The following CASK variants were observed in gnomAD, a reference collection of about 807,000 sequenced individuals.
CASK encodes the protein peripheral plasma membrane protein CASK.
Under a neutral mutation model 82.9 loss-of-function variants are expected in CASK, and 4 were observed. The observed-to-expected ratio is 0.05, with a 90% CI of 0.02 to 0.11. The LOEUF is 0.11. Among genes scored for constraint, CASK ranks in the 10% least tolerant of loss-of-function variants. The pLI, the probability that CASK is intolerant of heterozygous loss-of-function variation, is 1.00. For missense variants in CASK, 358 were observed against 720.9 expected (o/e 0.50, Z 5.76); for synonymous variants, 259 against 253.5 (o/e 1.02, Z -0.20).
intron 3 of CASK, among the ~76,000 whole-genome samples, chrX:41,780,992 G>A (rs1384387310): frequency 9.0e-6 from 1 of 110,637 alleles, no homozygotes; most frequent in Non-Finnish European, 1.9e-5. Flanking sequence ...CCACACTGGA[G>A]TACAGTGGCA....
chrX:41,661,723 G>C (rs1032001780), intron 7 of CASK, among the ~76,000 whole-genome samples: 1 of 108,761 alleles, frequency 9.2e-6, no homozygotes, highest in Non-Finnish European at 1.9e-5. Context: ...ACTTCTGCTT[G>C]TCAAATCCCA....
At chrX:41,595,669 A>G (rs1431885235) in intron 12 of CASK, among the ~76,000 whole-genome samples, 1 of 111,670 alleles carries the variant, frequency 9.0e-6, no homozygotes, top group African/African-American at 3.3e-5. Context: ...CCATTTTAAA[A>G]AGTCAAAAGC....
Position 41,546,506 on chromosome X carries a change from T to C in CASK, c.2040-3700A>G, listed in dbSNP as rs191922652. Among the ~76,000 whole-genome samples, 630 of 112,557 alleles carry C rather than the reference T, an allele frequency of 5.6e-3. 5 individuals carry two copies. Among genetic ancestry groups the C allele is most frequent in the African/African-American group, 0.019 (604 of 31,020 alleles). On this transcript the variant is annotated intron_variant, in intron 21 of 26. Coordinates refer to ENST00000378163, the MANE Select transcript of CASK (RefSeq NM_001367721.1). ...TTTTTAAGACAGAGTCTCTCTCTGT[T>C]GCCCAGGCTGTAGTGCAGTGGCACA... is the stretch of plus-strand genomic sequence containing the variant.
intron 3 of CASK, among the ~76,000 whole-genome samples, chrX:41,779,546 C>G (rs758008044): frequency 1.2e-4 from 13 of 111,748 alleles, no homozygotes; most frequent in Admixed American, 6.7e-4. Context: ...CTAAAATCAA[C>G]TAAACATTTT....
intron 1 of CASK, among the ~76,000 whole-genome samples, chrX:41,896,147 C>G (rs1187212538): frequency 9.0e-6 from 1 of 111,622 alleles, no homozygotes; most frequent in Non-Finnish European, 1.9e-5. Context: ...TTATTACTCC[C>G]AAACTCCCTC....
intron 2 of CASK, among the ~76,000 whole-genome samples, chrX:41,804,520 C>T (rs965794011): frequency 6.3e-5 from 7 of 111,225 alleles, no homozygotes; most frequent in Non-Finnish European, 1.3e-4. Context: ...AATAAGAGAG[C>T]AAAAAAACCT....
intron 1 of CASK, among the ~76,000 whole-genome samples, chrX:41,903,566 T>C (rs1195514977): frequency 8.9e-6 from 1 of 112,047 alleles, no homozygotes; most frequent in Admixed American, 9.4e-5. Flanking sequence ...GAGAATAAAA[T>C]GAAAATCATG....
intron 18 of CASK, 56 bp from the exon 19 acceptor site, chrX:41,557,156 T>C: frequency 1.1e-6 from 1 of 932,918 alleles, no homozygotes; most frequent in Non-Finnish European, 1.6e-6. Flanking sequence ...AACACAGAGA[T>C]ATTTACATCA....
intron 2 of CASK, among the ~76,000 whole-genome samples, chrX:41,805,238 G>A (rs1404813693): frequency 8.9e-6 from 1 of 111,840 alleles, no homozygotes; most frequent in Non-Finnish European, 1.9e-5. Flanking sequence ...GAGAGAAAAT[G>A]CTGACTTAGT....
chrX:41,843,304 T>C (rs920796346), intron 2 of CASK, among the ~76,000 whole-genome samples: 1 of 111,964 alleles, frequency 8.9e-6, no homozygotes, highest in Non-Finnish European at 1.9e-5. Flanking sequence ...TGGTTTTTCC[T>C]AGATGTCTTT....
intron 3 of CASK, among the ~76,000 whole-genome samples, chrX:41,786,541 C>T (rs1459698772): frequency 1.8e-5 from 2 of 110,057 alleles, no homozygotes; most frequent in Admixed American, 9.8e-5. Context: ...GGCCTGATTA[C>T]AATTTTGAAC....
intron 2 of CASK, among the ~76,000 whole-genome samples, chrX:41,798,548 G>C (rs1411377047): frequency 1.8e-5 from 2 of 112,661 alleles, no homozygotes; most frequent in Non-Finnish European, 3.7e-5. Flanking sequence ...GAACTAATAA[G>C]CTGCGGCCAG....
chrX:41,811,835 C>G (rs2070294443), intron 2 of CASK, among the ~76,000 whole-genome samples: 1 of 111,531 alleles, frequency 9.0e-6, no homozygotes, highest in Non-Finnish European at 1.9e-5. Flanking sequence ...AATTGATACA[C>G]TGCTAGCAAG....
Position 41,660,513 on chromosome X carries a change from C to T in CASK, c.757G>A (p.Val253Ile). 8.3e-7 allele frequency: 1 copy of T among 1,208,153 alleles called. No individual in the cohort carries two copies. Among genetic ancestry groups the T allele is most frequent in the East Asian group, 3.0e-5 (1 of 33,838 alleles). ...GGATCCAGCATCAGCATGCGACGTA[C>T]TAGGTCTTTGGCACTTTCAGAGATA... is the stretch of plus-strand genomic sequence containing the variant. ...SHISESAKDL[V>I]RRMLMLDPAE... is the part of the protein sequence containing the mutation. The change falls in exon 8 of 27, where the codon GTA (valine) becomes ATA (isoleucine). Residue 253 changes from valine to isoleucine, a missense_variant. Physicochemically the swap from Val to Ile is conservative, Grantham distance 29. Coordinates refer to ENST00000378163, the MANE Select transcript of CASK (RefSeq NM_001367721.1).
intron 5 of CASK, among the ~76,000 whole-genome samples, chrX:41,737,290 C>A (rs2068515134): frequency 8.9e-6 from 1 of 112,018 alleles, no homozygotes; most frequent in African/African-American, 3.2e-5. Flanking sequence ...TATGTGGAAA[C>A]TAGCCACGCT....
At chrX:41,866,323 C>T (rs916677707) in intron 1 of CASK, among the ~76,000 whole-genome samples, 8 of 112,378 alleles carry the variant, frequency 7.1e-5, no homozygotes, top group Non-Finnish European at 5.6e-5. Context: ...GTCTTCTAGC[C>T]AGAGAAAGCA....
chrX:41,555,487 A>G, intron 20 of CASK, 113 bp downstream of exon 20: 2 of 579,121 alleles, frequency 3.5e-6, no homozygotes, highest in East Asian at 3.4e-5. Context: ...CAAGCTCTCA[A>G]TGCTCAAATG....
rs201144577 is a variant in CASK at position 41,604,081 on chromosome X, AC to A, written c.1155+5822del. On this transcript the variant is annotated intron_variant, in intron 12 of 26. Coordinates refer to ENST00000378163, the MANE Select transcript of CASK (RefSeq NM_001367721.1). ...AAAATATCATTACAAGACATAAATA[AC>A]ACTTTAACACCAATTCCCAATAAAG... Among the ~76,000 whole-genome samples, 897 of 110,135 alleles carry A rather than the reference AC, an allele frequency of 8.1e-3. 7 individuals are homozygous for A. The highest frequency in any genetic ancestry group is 0.028 in the African/African-American group (862 of 30,301).
chrX:41,636,980 A>G (rs966736482), intron 8 of CASK, among the ~76,000 whole-genome samples: 1 of 110,418 alleles, frequency 9.1e-6, no homozygotes, highest in African/African-American at 3.3e-5. Context: ...TTTTTTTGAG[A>G]CAGGGTTTCA....
Sources: gnomAD v4.1 joint callset for allele counts (sites outside exome capture counted in the v4.1 genomes callset) on GRCh38, gnomAD v4.1.1 for gene constraint, MANE v1.5 for transcripts, NCBI Gene and HGNC (gene_info 2026-07-23, HGNC 2026-07-21) for gene names.